Variants in AFG2A observed in about 807,000 individuals in gnomAD.
AFG2A encodes the protein AAA ATPase AFG2A.
the AFG2A span, among the ~76,000 whole-genome samples, chr4:123,162,531 C>G: frequency 6.6e-6 from 1 of 152,130 alleles, no homozygotes; most frequent in Non-Finnish European, 1.5e-5. Flanking sequence ...AATGGGCCCA[C>G]TGATGGCTTA....
the AFG2A span, among the ~76,000 whole-genome samples, chr4:123,008,072 G>A: frequency 2.0e-5 from 3 of 152,174 alleles, no homozygotes; most frequent in South Asian, 6.2e-4. Context: ...AATGCCTCAG[G>A]CTGGATAATT....
the AFG2A span, among the ~76,000 whole-genome samples, chr4:123,036,424 G>T: frequency 1.3e-5 from 2 of 152,116 alleles, no homozygotes; most frequent in African/African-American, 4.8e-5. Flanking sequence ...AAGCCTTTGG[G>T]ACAAAATGTT....
the AFG2A span, among the ~76,000 whole-genome samples, chr4:123,075,137 G>A: frequency 6.6e-6 from 1 of 151,598 alleles, no homozygotes; most frequent in African/African-American, 2.4e-5. Flanking sequence ...GTAGAGACGG[G>A]GTTTCACCAT....
chr4:123,297,278 C>T, the AFG2A span, among the ~76,000 whole-genome samples: 6 of 152,190 alleles, frequency 3.9e-5, no homozygotes, highest in African/African-American at 1.4e-4. Flanking sequence ...ATTGTTCCTA[C>T]AAATTTCATA....
At chr4:123,000,110 G>T in the AFG2A span, among the ~76,000 whole-genome samples, 1 of 149,186 alleles carries the variant, frequency 6.7e-6, no homozygotes, top group Non-Finnish European at 1.5e-5. Flanking sequence ...CTGTTTGTCT[G>T]TTATTGGTGT....
chr4:122,937,907 C>G, the AFG2A span, among the ~76,000 whole-genome samples: 4 of 152,098 alleles, frequency 2.6e-5, no homozygotes, highest in South Asian at 6.2e-4. Context: ...AATTACCCAG[C>G]CTTTTAATGG....
At chr4:122,927,848 A>C in the AFG2A span, 1 of 1,523,626 alleles carries the variant, frequency 6.6e-7, no homozygotes, top group Admixed American at 2.0e-5. Flanking sequence ...TTTGAGTGCC[A>C]TGGTAGTCAA....
At chr4:123,224,560 A>C in the AFG2A span, among the ~76,000 whole-genome samples, 1 of 152,224 alleles carries the variant, frequency 6.6e-6, no homozygotes, top group Non-Finnish European at 1.5e-5. Flanking sequence ...TTATGGCTAC[A>C]TAGTATTCCA....
At chr4:123,164,929 G>C in the AFG2A span, among the ~76,000 whole-genome samples, 1 of 152,108 alleles carries the variant, frequency 6.6e-6, no homozygotes, top group African/African-American at 2.4e-5. Flanking sequence ...ATGGCAATAA[G>C]AGTTTGTTGA....
At chr4:123,193,279 A>C in the AFG2A span, among the ~76,000 whole-genome samples, 1 of 152,222 alleles carries the variant, frequency 6.6e-6, no homozygotes, top group Non-Finnish European at 1.5e-5. Flanking sequence ...CAACTTTAAA[A>C]AATGCTCCAG....
At chr4:123,125,660 T>G in the AFG2A span, among the ~76,000 whole-genome samples, 1 of 152,170 alleles carries the variant, frequency 6.6e-6, no homozygotes, top group Non-Finnish European at 1.5e-5. Context: ...TGTACCCTAT[T>G]AGCTTTGATG....
At chr4:123,134,696 T>C in the AFG2A span, among the ~76,000 whole-genome samples, 2 of 147,260 alleles carry the variant, frequency 1.4e-5, no homozygotes, top group Non-Finnish European at 3.0e-5. Flanking sequence ...ACATTTAACA[T>C]AACAAAACTG....
At chr4:122,953,606 C>T in the AFG2A span, among the ~76,000 whole-genome samples, 612 of 152,314 alleles carry the variant, frequency 4.0e-3, 4 homozygotes, top group African/African-American at 0.013. Flanking sequence ...GGAAGGGTGG[C>T]GGGCTGAACC....
the AFG2A span, among the ~76,000 whole-genome samples, chr4:123,237,813 A>T: frequency 6.6e-6 from 1 of 151,988 alleles, no homozygotes; most frequent in Non-Finnish European, 1.5e-5. Context: ...AGTTCATCTC[A>T]TTGGGACTGG....
At chr4:122,992,519 G>A in the AFG2A span, among the ~76,000 whole-genome samples, 1 of 152,154 alleles carries the variant, frequency 6.6e-6, no homozygotes, top group African/African-American at 2.4e-5. Context: ...TCTGCAGATG[G>A]TTAATACTTA....
the AFG2A span, among the ~76,000 whole-genome samples, chr4:123,214,857 A>C: frequency 1.3e-5 from 2 of 152,064 alleles, no homozygotes; most frequent in Non-Finnish European, 2.9e-5. Flanking sequence ...AGAATACAGT[A>C]TATAATACAT....
chr4:123,270,655 AAAAG>A, the AFG2A span, among the ~76,000 whole-genome samples: 1 of 152,238 alleles, frequency 6.6e-6, no homozygotes, highest in African/African-American at 2.4e-5. Flanking sequence ...AAAGATTTTA[AAAAG>A]AAAGAGGAAT....
At chr4:122,967,257 G>A in the AFG2A span, among the ~76,000 whole-genome samples, 10 of 152,110 alleles carry the variant, frequency 6.6e-5, no homozygotes, top group African/African-American at 1.7e-4. Context: ...AAAATTAGCC[G>A]GTGGTGGTAG....
chr4:123,058,076 C>T, the AFG2A span, among the ~76,000 whole-genome samples: 83 of 152,242 alleles, frequency 5.5e-4, no homozygotes, highest in African/African-American at 1.9e-3. Context: ...ATTAGAGCTG[C>T]CTCATGTGAT....
Sources: allele counts gnomAD v4.1 joint callset (sites outside exome capture counted in the v4.1 genomes callset), GRCh38; gene constraint gnomAD v4.1.1; transcripts MANE v1.5; gene names NCBI Gene and HGNC (gene_info 2026-07-23, HGNC 2026-07-21).